The following C2orf92 variants were observed in gnomAD, a reference collection of about 807,000 sequenced individuals.
The protein encoded by C2orf92 is uncharacterized protein C2orf92.
chr2:97,680,512 A>T (rs1675732115), intron 3 of C2orf92, among the ~76,000 whole-genome samples: 1 of 152,236 alleles, frequency 6.6e-6, no homozygotes, highest in South Asian at 2.1e-4. Flanking sequence ...TGCAAATAAT[A>T]GCCAAAAGAG....
At chr2:97,685,424 G>C (rs1370174345) in intron 3 of C2orf92, among the ~76,000 whole-genome samples, 1 of 146,932 alleles carries the variant, frequency 6.8e-6, no homozygotes, top group Non-Finnish European at 1.5e-5. Context: ...TGCCACCATG[G>C]CCGGCTAATT....
chr2:97,682,983 A>C (rs1193409224), intron 3 of C2orf92, among the ~76,000 whole-genome samples: 1 of 152,112 alleles, frequency 6.6e-6, no homozygotes, highest in Admixed American at 6.6e-5. Flanking sequence ...TTAGGCAAAA[A>C]AAAGAAATGA....
At chr2:97,666,826 G>T, upstream of C2orf92, 1 of 133,816 alleles carries the variant, frequency 7.5e-6, no homozygotes, top group South Asian at 2.4e-4. Context: ...CTGGGTGACA[G>T]AGCCAGACTC....
chr2:97,665,731 CTCTCTCTATATATATATATATATATATA>C (rs1330777709), upstream of C2orf92: 18 of 23,248 alleles, frequency 7.7e-4, no homozygotes, highest in South Asian at 2.5e-3. Context: ...CTCTCTCTCT[CTCTCTCTATATATATATATATATATATA>C]TATATATATA....
intron 5 of C2orf92, 116 bp from the exon 6 acceptor site, chr2:97,698,910 C>T: frequency 2.5e-6 from 1 of 395,156 alleles, no homozygotes; most frequent in Non-Finnish European, 4.5e-6. Flanking sequence ...TAGACTTTTC[C>T]CCCAAGTCCT....
intron 3 of C2orf92, chr2:97,677,558 A>G (rs1255232248): frequency 1.3e-5 from 2 of 152,230 alleles, no homozygotes; most frequent in African/African-American, 4.8e-5. Context: ...TTCAGCCTTC[A>G]ATAAGCAAAA....
intron 3 of C2orf92, among the ~76,000 whole-genome samples, chr2:97,688,495 C>A (rs1448031202): frequency 6.6e-6 from 1 of 152,154 alleles, no homozygotes; most frequent in Non-Finnish European, 1.5e-5. Context: ...AAAGAAAGAG[C>A]TTTCTGAGCT....
At chr2:97,684,942 A>AT (rs56319244) in intron 3 of C2orf92, among the ~76,000 whole-genome samples, 84 of 151,182 alleles carry the variant, frequency 5.6e-4, no homozygotes, top group Non-Finnish European at 8.3e-4. Flanking sequence ...TTTTATTTTT[A>AT]TTTTTGAGAC....
In C2orf92 at chr2:97,681,962, A is replaced by G. The variant is rs12611618; in HGVS notation, c.232+6034A>G. 8.9e-4 allele frequency among the ~76,000 whole-genome samples: 135 copies of G among 152,328 alleles called. 3 individuals carry two copies. The East Asian group carries it at 0.025, about 29-fold the overall frequency. On this transcript the variant is annotated intron_variant, in intron 3 of 7. Transcript: ENST00000627399. ...TGAAAGCTAGGAGAAAGAAGGAAAT[A>G]GTAAAGTATACAGAGGAAAGAAGTG...
At chr2:97,695,668 A>G (rs887381798) in intron 5 of C2orf92, among the ~76,000 whole-genome samples, 10 of 152,240 alleles carry the variant, frequency 6.6e-5, no homozygotes, top group Admixed American at 2.0e-4. Flanking sequence ...TTGCTTTAAC[A>G]TAATTTTACT....
chr2:97,681,545 G>C (rs1431274459), intron 3 of C2orf92, among the ~76,000 whole-genome samples: 6 of 152,224 alleles, frequency 3.9e-5, no homozygotes, highest in Admixed American at 6.5e-5. Context: ...GCAATGCCAA[G>C]AGGGAGATTT....
At chr2:97,677,554 C>T (rs1675623348) in intron 3 of C2orf92, 1 of 152,136 alleles carries the variant, frequency 6.6e-6, no homozygotes, top group Admixed American at 6.6e-5. Flanking sequence ...TGGCTTCAGC[C>T]TTCAATAAGC....
chr2:97,686,561 A>C (rs1675969719), intron 3 of C2orf92, among the ~76,000 whole-genome samples: 1 of 152,122 alleles, frequency 6.6e-6, no homozygotes, highest in African/African-American at 2.4e-5. Flanking sequence ...CTGGGATTAC[A>C]TGCATGAGCT....
rs11123849 is a variant in C2orf92 at position 97,669,772 on chromosome 2, T to C, written c.-17T>C. ...GAAGACTGGCTTCTCCATGATGGTT[T>C]ATGGACTAAGGCAAAGATGAGCAGA... On this transcript the variant is annotated 5_prime_UTR_variant, in exon 1 of 8. Coordinates refer to ENST00000627399, the MANE Select transcript of C2orf92 (RefSeq NM_001351368.2). 273,221 of 398,410 alleles carry C rather than the reference T, an allele frequency of 0.69. 96,638 individuals are homozygous for C. The highest frequency in any genetic ancestry group is 0.75 in the African/African-American group (36,661 of 48,684). 24.7% of individuals were successfully genotyped at this position (398,410 alleles called of 1,614,324 possible).
intron 3 of C2orf92, among the ~76,000 whole-genome samples, chr2:97,685,839 A>G (rs542092041): frequency 4.6e-5 from 7 of 152,356 alleles, no homozygotes; most frequent in African/African-American, 1.7e-4. Context: ...CTGGGATTAC[A>G]GGTGTGAGCC....
At chr2:97,684,604 AAG>A (rs538206840) in intron 3 of C2orf92, among the ~76,000 whole-genome samples, 150 of 152,334 alleles carry the variant, frequency 9.8e-4, no homozygotes, top group African/African-American at 3.5e-3. Context: ...AGCAGGCAAA[AAG>A]AGAAAAAATA....
chr2:97,679,050 C>A (rs1675673951), intron 3 of C2orf92, among the ~76,000 whole-genome samples: 1 of 151,404 alleles, frequency 6.6e-6, no homozygotes, highest in Admixed American at 6.6e-5. Flanking sequence ...AATTATCTTT[C>A]CAGAATAAAA....
chr2:97,667,022 C>T (rs367890690), upstream of C2orf92: 2 of 152,164 alleles, frequency 1.3e-5, no homozygotes, highest in East Asian at 3.9e-4. Flanking sequence ...TTAGTATTGC[C>T]TGTTTCTGGA....
rs752877087 is a variant in C2orf92 at position 97,670,192 on chromosome 2, T to C, written c.46+358T>C. ...ATTTTATCTATATATATGCACTATTTAAAAAATAACAGGGTTAGGCCGGGT... is the reference window on the plus strand; with the variant it reads ...ATTTTATCTATATATATGCACTATTCAAAAAATAACAGGGTTAGGCCGGGT... On this transcript the variant is annotated intron_variant, in intron 1 of 7. Transcript: ENST00000627399. The C allele has an allele frequency of 3.0e-4, 50 of 167,368 alleles. No individual in the cohort carries two copies. The Middle Eastern group carries it at 0.021, about 70-fold the overall frequency. The allele number at this position is 167,368 out of a possible 1,614,324, so 10.4% of individuals were successfully genotyped here. A position where few individuals can be genotyped will look rare whatever the true frequency, so the allele number is the denominator to read the frequency against.
Sources: gnomAD v4.1 joint callset for allele counts (sites outside exome capture counted in the v4.1 genomes callset) on GRCh38, gnomAD v4.1.1 for gene constraint, MANE v1.5 for transcripts, NCBI Gene and HGNC (gene_info 2026-07-23, HGNC 2026-07-21) for gene names.